Variants in CNTN6 observed in about 807,000 individuals in gnomAD.
CNTN6 encodes the protein contactin-6.
In CNTN6, 137 loss-of-function variants were observed where a neutral mutation model predicts 122.8. That is an observed-to-expected ratio of 1.12 (90% confidence interval 0.97 to 1.29). The LOEUF is 1.29. Among genes scored for constraint, CNTN6 ranks in the 50% most tolerant of loss-of-function variants. CNTN6 has a pLI of 0.00. For synonymous variants in CNTN6, 570 were observed against 426.0 expected (o/e 1.34, Z -4.16); for missense variants, 1,634 against 1,223.4 (o/e 1.34, Z -5.01).
chr3:1,171,682 T>C (rs1050626939), intron 2 of CNTN6, among the ~76,000 whole-genome samples: 6 of 152,138 alleles, frequency 3.9e-5, no homozygotes, highest in Admixed American at 3.3e-4. Flanking sequence ...AACAAATTCA[T>C]TGCAGCCTCG....
chr3:1,256,492 G>T (rs369103219), intron 4 of CNTN6, among the ~76,000 whole-genome samples: 1 of 152,084 alleles, frequency 6.6e-6, no homozygotes, highest in Admixed American at 6.6e-5. Context: ...TTTGAATAAA[G>T]AATTAAGAGT....
intron 17 of CNTN6, among the ~76,000 whole-genome samples, chr3:1,379,216 G>A (rs1710311370): frequency 1.3e-5 from 2 of 152,180 alleles, no homozygotes; most frequent in Middle Eastern, 6.8e-3. Flanking sequence ...GATTTATAAT[G>A]TTCTTTTTTC....
intron 1 of CNTN6, among the ~76,000 whole-genome samples, chr3:1,142,429 C>G (rs2092629592): frequency 6.6e-6 from 1 of 152,086 alleles, no homozygotes; most frequent in East Asian, 1.9e-4. Flanking sequence ...CTTCAAAATA[C>G]AGGACTGCAT....
intron 2 of CNTN6, among the ~76,000 whole-genome samples, chr3:1,186,893 C>T (rs72999858): frequency 0.09 from 13,589 of 151,398 alleles, 733 homozygotes; most frequent in Non-Finnish European, 0.13. Context: ...TGATTCCTTT[C>T]CCTTCCCTCT....
Position 1,313,737 on chromosome 3 carries a change from T to C in CNTN6, c.762-7913T>C, listed in dbSNP as rs944583956. ...GCTGCCATCACAAAATACTGTAGAC[T>C]TGTAAACAACAGGAATTGGCTTGTG... On this transcript the variant is annotated intron_variant, in intron 7 of 22. Coordinates refer to ENST00000446702, the MANE Select transcript of CNTN6 (RefSeq NM_001289080.2). 3.3e-5 allele frequency among the ~76,000 whole-genome samples: 5 copies of C among 152,230 alleles called. 1 individual carries two copies. The highest frequency in any genetic ancestry group is 1.2e-4 in the African/African-American group (5 of 41,558).
intron 7 of CNTN6, among the ~76,000 whole-genome samples, chr3:1,305,181 T>C (rs1367225596): frequency 6.6e-6 from 1 of 152,124 alleles, no homozygotes; most frequent in Non-Finnish European, 1.5e-5. Flanking sequence ...TCAGAAAACA[T>C]AGCTTCTGTC....
At chr3:1,151,108 A>C (rs2092832894) in intron 2 of CNTN6, among the ~76,000 whole-genome samples, 1 of 152,192 alleles carries the variant, frequency 6.6e-6, no homozygotes, top group Non-Finnish European at 1.5e-5. Flanking sequence ...CAGGACTCTA[A>C]GAAAATAAAT....
chr3:1,238,989 T>C (rs1045855163), intron 4 of CNTN6, among the ~76,000 whole-genome samples: 7 of 152,068 alleles, frequency 4.6e-5, no homozygotes, highest in Non-Finnish European at 7.4e-5. Context: ...ATACAAAAGA[T>C]TATTGAAGGC....
At chr3:1,335,643 G>C (rs940570181) in intron 11 of CNTN6, among the ~76,000 whole-genome samples, 1 of 152,090 alleles carries the variant, frequency 6.6e-6, no homozygotes, top group Non-Finnish European at 1.5e-5. Context: ...ATTACCTGGG[G>C]TTTGGTCATA....
intron 12 of CNTN6, among the ~76,000 whole-genome samples, chr3:1,356,687 G>C (rs902454024): frequency 6.6e-6 from 1 of 151,906 alleles, no homozygotes; most frequent in Middle Eastern, 3.4e-3. Context: ...GTCTCCAGCA[G>C]CACTAAAATC....
intron 12 of CNTN6, among the ~76,000 whole-genome samples, chr3:1,371,558 C>G (rs1404122574): frequency 6.6e-6 from 1 of 152,040 alleles, no homozygotes; most frequent in Non-Finnish European, 1.5e-5. Flanking sequence ...TTGTGAGTCT[C>G]TTTTAATCTG....
chr3:1,350,783 G>A (rs371658812), intron 11 of CNTN6, among the ~76,000 whole-genome samples: 1 of 151,758 alleles, frequency 6.6e-6, no homozygotes, highest in African/African-American at 2.4e-5. Flanking sequence ...AATAGTTCAG[G>A]TTTCTGTGTT....
intron 12 of CNTN6, among the ~76,000 whole-genome samples, chr3:1,357,713 G>T (rs1387051733): frequency 6.6e-6 from 1 of 151,838 alleles, no homozygotes; most frequent in Admixed American, 6.6e-5. Flanking sequence ...GTAACATGCA[G>T]ATATTAGTAC....
At chr3:1,390,646 AATTG>A (rs1166932852) in intron 20 of CNTN6, among the ~76,000 whole-genome samples, 44 of 152,288 alleles carry the variant, frequency 2.9e-4, no homozygotes, top group African/African-American at 1.0e-3. Flanking sequence ...GGATCAACAA[AATTG>A]ATAGACCGCT....
chr3:1,306,956 T>G (rs1204708578), intron 7 of CNTN6, among the ~76,000 whole-genome samples: 2 of 152,202 alleles, frequency 1.3e-5, no homozygotes, highest in African/African-American at 4.8e-5. Flanking sequence ...TGAGCACAAA[T>G]TATTCATTCA....
intron 12 of CNTN6, among the ~76,000 whole-genome samples, chr3:1,353,029 C>T (rs1705910001): frequency 1.3e-5 from 2 of 151,686 alleles, no homozygotes; most frequent in Admixed American, 6.6e-5. Context: ...CTATACTTTA[C>T]TTTTAAGATT....
intron 1 of CNTN6, among the ~76,000 whole-genome samples, chr3:1,102,322 A>G (rs2124962953): frequency 6.6e-6 from 1 of 152,308 alleles, no homozygotes; most frequent in East Asian, 1.9e-4. Flanking sequence ...AAAGAACATG[A>G]TTTTCCTCTC....
chr3:1,213,453 C>T (rs1043325211), intron 2 of CNTN6, among the ~76,000 whole-genome samples: 5 of 146,646 alleles, frequency 3.4e-5, no homozygotes, highest in African/African-American at 1.2e-4. Flanking sequence ...TATTTCCCAT[C>T]TCTTTTCTTC....
At chr3:1,392,518 A>G (rs1347831459) in intron 20 of CNTN6, among the ~76,000 whole-genome samples, 14 of 151,196 alleles carry the variant, frequency 9.3e-5, no homozygotes, top group Non-Finnish European at 1.0e-4. Flanking sequence ...TGTCTAAAAC[A>G]CCAAAAGCAA....
Sources: gnomAD v4.1 joint callset for allele counts (sites outside exome capture counted in the v4.1 genomes callset) on GRCh38, gnomAD v4.1.1 for gene constraint, MANE v1.5 for transcripts, NCBI Gene and HGNC (gene_info 2026-07-23, HGNC 2026-07-21) for gene names.